RPS6KA1: variants seen among roughly 807,000 people sequenced by gnomAD.
RPS6KA1 encodes the protein ribosomal protein S6 kinase alpha-1.
In RPS6KA1, 48 loss-of-function variants were observed where a neutral mutation model predicts 91.3. That is an observed-to-expected ratio of 0.53 (90% CI 0.42 to 0.67). The LOEUF (loss-of-function observed/expected upper bound fraction) is 0.67. Among genes scored for constraint, RPS6KA1 ranks in the 30% least tolerant of loss-of-function variants. The pLI is 0.00. For synonymous variants in RPS6KA1, 359 were observed against 384.7 expected, an observed-to-expected ratio of 0.93 and a Z score of 0.78; for missense variants, 719 against 960.5, an observed-to-expected ratio of 0.75 and a Z score of 3.32.
At chr1:26,535,278 C>A (rs1341338541) in intron 1 of RPS6KA1, among the ~76,000 whole-genome samples, 4 of 151,696 alleles carry the variant, frequency 2.6e-5, no homozygotes, top group African/African-American at 9.7e-5. Flanking sequence ...GCTCAGGGGG[C>A]AGGATGTCCT....
In RPS6KA1 at chr1:26,551,493, C is replaced by T. The variant is rs769796585; in HGVS notation, c.388+16C>T. The T allele has an allele frequency of 3.3e-5, 53 of 1,612,998 alleles. No individual in the cohort carries two copies. Among genetic ancestry groups the T allele is most frequent in the Non-Finnish European group, 4.3e-5 (51 of 1,179,090 alleles). The stretch of plus-strand genomic sequence containing the variant: ...CTGCACTATGGTAAAGCTTCTGGCC[C>T]TGCCTGAGCTCCTACCCCACCCATC... On this transcript the variant is annotated intron_variant, in intron 5 of 21. Transcript: ENST00000374168. The surrounding 1 kb of genome is among the most constrained non-coding windows in gnomAD (Gnocchi z 4.5).
chr1:26,547,887 A>G lies in RPS6KA1; in HGVS notation c.307+617A>G, dbSNP rs868867944. On this transcript the variant is annotated intron_variant, in intron 4 of 21. Transcript: ENST00000374168. This position sits in a 1 kb window ranked among gnomAD's most constrained non-coding sequence, Gnocchi z 4.1. ...GCCAAGTCTCTCTTTAAATAAGTCA[A>G]GGCCGGGCGCGGTGGCTCACACCTG... Among the ~76,000 whole-genome samples, 25 of 152,274 alleles carry G rather than the reference A, an allele frequency of 1.6e-4. No homozygotes were observed. The South Asian group carries it at 2.5e-3, about 15-fold the overall frequency.
At position 26,555,742 on chromosome 1, in the gene RPS6KA1, A is replaced by G. The variant is rs1377557369; in HGVS notation, c.916+117A>G. On this transcript the variant is annotated intron_variant, in intron 11 of 21. Transcript: ENST00000374168. The surrounding 1 kb of genome is among the most constrained non-coding windows in gnomAD (Gnocchi z 4.3). ...GGGCCGTTGTCCTTTGTGTGGGCAG[A>G]CAATGCCGCGGGCCACCCTGCTTTC... 2.9e-6 allele frequency: 3 copies of G among 1,020,146 alleles called. No homozygotes were observed. Among genetic ancestry groups the G allele is most frequent in the East Asian group, 2.6e-5 (1 of 38,370 alleles). The allele number at this position is 1,020,146 out of a possible 1,614,324, so 63.2% of individuals were successfully genotyped here. A position where few individuals can be genotyped will look rare whatever the true frequency, so the allele number is the denominator to read the frequency against.
chr1:26,558,938 G>A lies in RPS6KA1; in HGVS notation c.1215+1G>A, dbSNP rs751540169. On this transcript the variant is annotated splice_donor_variant, in intron 14 of 21. Coordinates refer to ENST00000374168, the MANE Select transcript of RPS6KA1 (RefSeq NM_002953.4). LOFTEE classifies it high-confidence loss of function. This position sits in a 1 kb window ranked among gnomAD's most constrained non-coding sequence, Gnocchi z 4.0. ...GGCACCCCTGCACTCGGTGGTACAG[G>A]TGAGGGGGGCAGGGGGCTGCTGCTC... The A allele has an allele frequency of 1.2e-6, 2 of 1,608,630 alleles. No homozygotes were observed. Among genetic ancestry groups the A allele is most frequent in the Admixed American group, 1.7e-5 (1 of 59,884 alleles).
At position 26,542,689 on chromosome 1, in the gene RPS6KA1, C is replaced by T. The variant is rs1045017394; in HGVS notation, c.109-4178C>T. Among the ~76,000 whole-genome samples the T allele has an allele frequency of 2.0e-5, 3 of 152,150 alleles. No homozygotes were observed. The South Asian group carries it at 6.2e-4, about 31-fold the overall frequency. On this transcript the variant is annotated intron_variant, in intron 2 of 21. Transcript: ENST00000374168. ...CAGGACCGGAGGGGGGCCACTGGTG[C>T]CTGCTTTCTGGGCTGCCATTGTGGG...
chr1:26,554,736 A>T lies in RPS6KA1; in HGVS notation c.754A>T (p.Met252Leu). The T allele has an allele frequency of 6.3e-7, 1 of 1,599,538 alleles. No individual in the cohort carries two copies. Among genetic ancestry groups the T allele is most frequent in the Non-Finnish European group, 8.6e-7 (1 of 1,168,796 alleles). Residue 252 changes from methionine to leucine, a missense_variant and splice_region_variant, in exon 9 of 22, where the codon ATG becomes TTG. Around this residue, in one of 5 missense-constraint regions of RPS6KA1, gnomAD observed 228 missense variants for 247.6 expected, o/e 0.92. Transcript: ENST00000374168. The surrounding 1 kb of genome is among the most constrained non-coding windows in gnomAD (Gnocchi z 4.6). Reference protein sequence around the residue: ...SADWWSYGVLMFEMLTGSLPF... With the variant: ...SADWWSYGVLLFEMLTGSLPF... ...GGACTGGTGGTCCTATGGGGTGTTG[A>T]TGGTGAGTGCCCAGACAGGGGTAAA...
chr1:26,539,881 C>T (rs1459819214), intron 2 of RPS6KA1, among the ~76,000 whole-genome samples: 2 of 152,222 alleles, frequency 1.3e-5, no homozygotes, highest in Non-Finnish European at 2.9e-5. Flanking sequence ...CTTTGAAGCG[C>T]CTGCAGGTCT....
intron 4 of RPS6KA1, among the ~76,000 whole-genome samples, chr1:26,548,556 G>A (rs1201844719): frequency 2.0e-5 from 3 of 152,168 alleles, no homozygotes; most frequent in Non-Finnish European, 4.4e-5. Context: ...CTAGCACTTT[G>A]GAAAGCTGAG....
chr1:26,539,429 GAGTC>G (rs1329919762), intron 2 of RPS6KA1, among the ~76,000 whole-genome samples: 4 of 152,206 alleles, frequency 2.6e-5, no homozygotes, highest in African/African-American at 9.6e-5. Context: ...GCAGGGAAGA[GAGTC>G]AGGGATTCTG....
chr1:26,548,786 C>T (rs1026215123), intron 4 of RPS6KA1, among the ~76,000 whole-genome samples: 14 of 147,406 alleles, frequency 9.5e-5, no homozygotes, highest in Non-Finnish European at 1.5e-4. Flanking sequence ...GCGATGAGAG[C>T]GAAACTCCAT....
chr1:26,549,228 A>G (rs969039460), intron 4 of RPS6KA1, among the ~76,000 whole-genome samples: 1 of 151,662 alleles, frequency 6.6e-6, no homozygotes, highest in South Asian at 2.1e-4. Context: ...TTGCTCAGAC[A>G]TTTTGTCTGG....
Position 26,555,750 on chromosome 1 carries a change from G to T in RPS6KA1, c.916+125G>T, listed in dbSNP as rs757845175. ...GTCCTTTGTGTGGGCAGACAATGCCGCGGGCCACCCTGCTTTCTGGCTCCA... is the reference window on the plus strand; with the variant it reads ...GTCCTTTGTGTGGGCAGACAATGCCTCGGGCCACCCTGCTTTCTGGCTCCA... On this transcript the variant is annotated intron_variant, in intron 11 of 21. Transcript: ENST00000374168. This position sits in a 1 kb window ranked among gnomAD's most constrained non-coding sequence, Gnocchi z 4.3. 54 of 918,490 alleles carry T rather than the reference G, an allele frequency of 5.9e-5. No individual in the cohort carries two copies. The highest frequency in any genetic ancestry group is 4.4e-4 in the African/African-American group (27 of 60,936). The allele number at this position is 918,490 out of a possible 1,614,324, so 56.9% of individuals were successfully genotyped here.
intron 6 of RPS6KA1, chr1:26,552,874 GC>G: frequency 2.4e-6 from 1 of 413,280 alleles, no homozygotes; most frequent in Non-Finnish European, 4.8e-6. Flanking sequence ...TCCCACCCCA[GC>G]CCCCTCTATT....
intron 2 of RPS6KA1, chr1:26,545,737 G>A (rs2075988736): frequency 1.3e-5 from 13 of 980,454 alleles, no homozygotes; most frequent in Admixed American, 3.7e-5. Context: ...CGTGGTGAGG[G>A]TGTAGGCCTG....
intron 1 of RPS6KA1, among the ~76,000 whole-genome samples, chr1:26,534,177 G>A (rs141791640): frequency 6.6e-6 from 1 of 152,350 alleles, no homozygotes; most frequent in East Asian, 1.9e-4. Context: ...CCTGCCTGCT[G>A]AGGGACCTCG....
chr1:26,544,745 A>T (rs2075977587), intron 2 of RPS6KA1, among the ~76,000 whole-genome samples: 1 of 149,250 alleles, frequency 6.7e-6, no homozygotes. Flanking sequence ...AAGTGCTGGG[A>T]TTACAGGCGT....
chr1:26,571,930 G>A lies in RPS6KA1; in HGVS notation c.1829+5G>A, dbSNP rs1246628707. 1.9e-6 allele frequency: 3 copies of A among 1,610,740 alleles called. No homozygotes were observed. On this transcript the variant is annotated splice_donor_5th_base_variant and intron_variant, in intron 19 of 21. Coordinates refer to ENST00000374168, the MANE Select transcript of RPS6KA1 (RefSeq NM_002953.4). This position sits in a 1 kb window ranked among gnomAD's most constrained non-coding sequence, Gnocchi z 5.1. ...GCTGTACACCATGCTGGCAGGGTGA[G>A]TGCCCCTGGCCTGGACCCTTCCCCA...
At position 26,571,841 on chromosome 1, in the gene RPS6KA1, G is replaced by A. The variant is rs761023818; in HGVS notation, c.1753-8G>A. ...CCAGACTGACCACCTCCCCTGCCCT[G>A]TTGCCAGGTGCTGAAGCGCCAGGGC... is the stretch of plus-strand genomic sequence containing the variant. On this transcript the variant is annotated splice_region_variant and splice_polypyrimidine_tract_variant and intron_variant, in intron 18 of 21. Transcript: ENST00000374168. This position sits in a 1 kb window ranked among gnomAD's most constrained non-coding sequence, Gnocchi z 5.1. 4.4e-6 allele frequency: 7 copies of A among 1,607,974 alleles called. No individual in the cohort carries two copies. The highest frequency in any genetic ancestry group is 1.1e-5 in the South Asian group (1 of 91,044).
intron 17 of RPS6KA1, among the ~76,000 whole-genome samples, chr1:26,562,232 T>C (rs1264891036): frequency 1.3e-5 from 2 of 152,158 alleles, no homozygotes; most frequent in African/African-American, 4.8e-5. Context: ...AAGATTTACA[T>C]TATCTCAATT....
Sources: allele counts gnomAD v4.1 joint callset (sites outside exome capture counted in the v4.1 genomes callset), GRCh38; gene constraint gnomAD v4.1.1; regional missense constraint gnomAD v4.1.1; non-coding constraint Gnocchi (gnomAD v3.1); transcripts MANE v1.5; gene names NCBI Gene and HGNC (gene_info 2026-07-23, HGNC 2026-07-21).